RUNX2: variants seen among roughly 807,000 people sequenced by gnomAD.
The protein encoded by RUNX2 is RUNX family transcription factor 2, also known as runt-related transcription factor 2.
Under a neutral mutation model 51.7 loss-of-function variants are expected in RUNX2, and 10 were observed. The observed-to-expected ratio is 0.19, with a 90% CI of 0.12 to 0.33. The LOEUF is 0.33. Among genes scored for constraint, RUNX2 ranks in the 10% least tolerant of loss-of-function variants. The pLI is 1.00. For synonymous variants in RUNX2, 276 were observed against 273.6 expected, an observed-to-expected ratio of 1.01 and a Z score of -0.09; for missense variants, 562 against 691.3, an observed-to-expected ratio of 0.81 and a Z score of 2.10.
At chr6:45,529,421 A>C (rs1032038339) in intron 7 of RUNX2, among the ~76,000 whole-genome samples, 8 of 152,122 alleles carry the variant, frequency 5.3e-5, no homozygotes, top group African/African-American at 1.7e-4. Flanking sequence ...GGGTGTCAGC[A>C]TGGGGAATCC....
intron 2 of RUNX2, among the ~76,000 whole-genome samples, chr6:45,356,460 C>T (rs1414157351): frequency 6.6e-6 from 1 of 151,902 alleles, no homozygotes; most frequent in Non-Finnish European, 1.5e-5. Context: ...TGCAGTGGCG[C>T]AATCTCAGCT....
At chr6:45,530,905 AAAT>A (rs1049168553) in intron 7 of RUNX2, among the ~76,000 whole-genome samples, 5 of 152,368 alleles carry the variant, frequency 3.3e-5, no homozygotes, top group South Asian at 2.1e-4. Context: ...GTGAGAGTAA[AAAT>A]AAATGCATAG....
rs1305465503 is a variant in RUNX2, at chr6:45,437,997, G to T, written c.631G>T (p.Ala211Ser). The part of the protein sequence containing the change: ...ITVFTNPPQV[A>S]TYHRAIKVTV... The stretch of plus-strand genomic sequence containing the variant: ...CGTCTTCACAAATCCTCCCCAAGTA[G>T]CTACCTATCACAGAGCAATTAAAGT... The change falls in exon 5 of 9, where the codon GCT becomes TCT. Residue 211 changes from alanine (A) to serine (S), a missense_variant. This residue lies in a region of RUNX2 where 37 missense variants were observed against 66.5 expected (regional missense o/e 0.56). Coordinates refer to ENST00000647337, the MANE Select transcript of RUNX2 (RefSeq NM_001024630.4). 6.2e-7 allele frequency: 1 copy of T among 1,613,438 alleles called. No homozygotes were observed. Among genetic ancestry groups the T allele is most frequent in the Non-Finnish European group, 8.5e-7 (1 of 1,179,638 alleles).
rs549617601 is a variant in RUNX2 at position 45,550,637 on chromosome 6, G to A, written c.*3332G>A. 1 of 152,762 alleles carries A rather than the reference G, an allele frequency of 6.5e-6. No homozygotes were observed. The highest frequency in any genetic ancestry group is 1.9e-4 in the East Asian group (1 of 5,188). 9.5% of individuals were successfully genotyped at this position (152,762 alleles called of 1,614,324 possible). A position where few individuals can be genotyped will look rare whatever the true frequency, so the allele number is the denominator to read the frequency against. On this transcript the variant is annotated 3_prime_UTR_variant, in exon 9 of 9. Transcript: ENST00000647337. ...GCATTTAAAAATATTTTCTATGTGA[G>A]AATTTTTTAGATGTGTGTTTACTTC...
chr6:45,517,878 A>G (rs1801381290), intron 7 of RUNX2, among the ~76,000 whole-genome samples: 1 of 152,202 alleles, frequency 6.6e-6, no homozygotes, highest in South Asian at 2.1e-4. Context: ...GAGGTTGTTC[A>G]TTCTAAAATG....
At chr6:45,424,738 A>G (rs1373008732) in intron 3 of RUNX2, among the ~76,000 whole-genome samples, 1 of 152,114 alleles carries the variant, frequency 6.6e-6, no homozygotes, top group Non-Finnish European at 1.5e-5. Context: ...TAGGACTTAT[A>G]TCAGAACAGA....
intron 2 of RUNX2, among the ~76,000 whole-genome samples, chr6:45,373,135 A>G (rs1193871688): frequency 6.6e-6 from 1 of 152,038 alleles, no homozygotes; most frequent in African/African-American, 2.4e-5. Flanking sequence ...AATTTTTTCT[A>G]GAGACCAGGT....
intron 5 of RUNX2, among the ~76,000 whole-genome samples, chr6:45,485,697 G>GTGTGTGTATATATATA (rs1219072282): frequency 9.6e-6 from 1 of 104,034 alleles, no homozygotes; most frequent in Admixed American, 1.0e-4. Context: ...GTGTGTGTGT[G>GTGTGTGTATATATATA]TATATATATA....
At chr6:45,504,874 T>C (rs1211313114) in intron 6 of RUNX2, among the ~76,000 whole-genome samples, 3 of 152,146 alleles carry the variant, frequency 2.0e-5, no homozygotes, top group Non-Finnish European at 2.9e-5. Context: ...CAGCCTGATT[T>C]GAGTACTGTT....
chr6:45,381,991 T>C (rs1797249680), intron 2 of RUNX2, among the ~76,000 whole-genome samples: 1 of 152,238 alleles, frequency 6.6e-6, no homozygotes, highest in Non-Finnish European at 1.5e-5. Context: ...CAGTCCAGTG[T>C]CTTTTAAAAG....
At chr6:45,399,638 G>A (rs938937840) in intron 2 of RUNX2, among the ~76,000 whole-genome samples, 8 of 151,942 alleles carry the variant, frequency 5.3e-5, no homozygotes, top group South Asian at 4.1e-4. Context: ...GATTACAGGC[G>A]TGAGCCACCT....
At chr6:45,384,097 T>C (rs1384610263) in intron 2 of RUNX2, among the ~76,000 whole-genome samples, 4 of 152,374 alleles carry the variant, frequency 2.6e-5, no homozygotes, top group Non-Finnish European at 4.4e-5. Context: ...TTAGCCATAA[T>C]GCTGGGCAAG....
chr6:45,503,784 T>C (rs911792127), intron 6 of RUNX2, among the ~76,000 whole-genome samples: 8 of 152,230 alleles, frequency 5.3e-5, no homozygotes, highest in African/African-American at 1.9e-4. Flanking sequence ...CTAGCAAAAG[T>C]TGGTGATACA....
intron 2 of RUNX2, among the ~76,000 whole-genome samples, chr6:45,363,956 A>G (rs990890419): frequency 6.6e-6 from 1 of 151,978 alleles, no homozygotes; most frequent in Non-Finnish European, 1.5e-5. Flanking sequence ...CTCTACTAAA[A>G]ATACAAAAAT....
chr6:45,513,997 A>C (rs1801243727), intron 7 of RUNX2, among the ~76,000 whole-genome samples: 1 of 152,156 alleles, frequency 6.6e-6, no homozygotes, highest in South Asian at 2.1e-4. Flanking sequence ...ATAGGGCCGA[A>C]AGGACACTTT....
At chr6:45,524,645 G>A (rs757880912) in intron 7 of RUNX2, among the ~76,000 whole-genome samples, 4 of 152,016 alleles carry the variant, frequency 2.6e-5, no homozygotes, top group Admixed American at 6.6e-5. Flanking sequence ...CAATAAATCC[G>A]TACATAATTA....
intron 3 of RUNX2, among the ~76,000 whole-genome samples, chr6:45,429,958 G>A (rs59397804): frequency 0.08 from 12,098 of 151,990 alleles, 708 homozygotes; most frequent in South Asian, 0.18. Flanking sequence ...GCCAGGTGTG[G>A]TGGTGCACAC....
chr6:45,514,953 T>G (rs1193102892), intron 7 of RUNX2, among the ~76,000 whole-genome samples: 2 of 150,414 alleles, frequency 1.3e-5, no homozygotes, highest in Non-Finnish European at 1.5e-5. Context: ...TTTTTTTTTG[T>G]TTGTGTGCTT....
intron 3 of RUNX2, among the ~76,000 whole-genome samples, chr6:45,424,432 C>T (rs1416866370): frequency 6.6e-6 from 1 of 152,186 alleles, no homozygotes; most frequent in Non-Finnish European, 1.5e-5. Context: ...ATGAGACTCT[C>T]AGAAAGGTGC....
Sources: gnomAD v4.1 joint callset for allele counts (sites outside exome capture counted in the v4.1 genomes callset) on GRCh38, gnomAD v4.1.1 for gene constraint, gnomAD v4.1.1 regional missense constraint, MANE v1.5 for transcripts, NCBI Gene and HGNC (gene_info 2026-07-23, HGNC 2026-07-21) for gene names.